AGBL4: variants seen among roughly 807,000 people sequenced by gnomAD.
AGBL4 encodes the protein cytosolic carboxypeptidase 6.
AGBL4 carries 58 observed loss-of-function variants against 66.4 expected under a neutral mutation model. The observed-to-expected ratio is 0.87, with a 90% CI of 0.71 to 1.09. The LOEUF is 1.09. AGBL4 is among the 50% of genes least tolerant of loss of function. The pLI, the probability that AGBL4 is intolerant of heterozygous loss-of-function variation, is 0.00. For synonymous variants in AGBL4, 234 were observed against 222.9 expected (o/e 1.05, Z -0.44); for missense variants, 579 against 631.0 (o/e 0.92, Z 0.88).
At chr1:49,689,848 T>A (rs1351362572) in intron 3 of AGBL4, among the ~76,000 whole-genome samples, 1 of 152,232 alleles carries the variant, frequency 6.6e-6, no homozygotes, top group Non-Finnish European at 1.5e-5. Context: ...ATGGGGTTAC[T>A]TTTCATGATT....
At chr1:49,677,927 A>G (rs1646612837) in intron 3 of AGBL4, among the ~76,000 whole-genome samples, 1 of 152,166 alleles carries the variant, frequency 6.6e-6, no homozygotes. Flanking sequence ...TCCATTCTCC[A>G]GAAGTGTAAG....
intron 2 of AGBL4, among the ~76,000 whole-genome samples, chr1:49,840,492 G>T (rs950758664): frequency 6.6e-6 from 1 of 152,146 alleles, no homozygotes; most frequent in Non-Finnish European, 1.5e-5. Context: ...AAACTGAGAA[G>T]GAGGGACTCC....
chr1:49,309,754 T>C (rs1644912004), intron 3 of AGBL4, among the ~76,000 whole-genome samples: 2 of 152,080 alleles, frequency 1.3e-5, no homozygotes, highest in Non-Finnish European at 2.9e-5. Flanking sequence ...AGATAACCCC[T>C]AAGTGACTAT....
intron 5 of AGBL4, among the ~76,000 whole-genome samples, chr1:48,950,075 G>T (rs3121534): frequency 6.6e-6 from 1 of 152,182 alleles, no homozygotes; most frequent in African/African-American, 2.4e-5. Context: ...AACAATCTGG[G>T]AGTAATATTA....
chr1:49,281,314 C>A (rs1644267519), intron 3 of AGBL4, among the ~76,000 whole-genome samples: 1 of 152,160 alleles, frequency 6.6e-6, no homozygotes. Context: ...AGAACAGTCT[C>A]TCAAACTGGT....
chr1:49,776,830 G>A (rs951380061), intron 2 of AGBL4, among the ~76,000 whole-genome samples: 4 of 151,986 alleles, frequency 2.6e-5, no homozygotes, highest in East Asian at 1.9e-4. Flanking sequence ...TCCCAAACAT[G>A]ACCATAAGTA....
chr1:49,511,245 C>T (rs1032151795), intron 3 of AGBL4, among the ~76,000 whole-genome samples: 2 of 151,440 alleles, frequency 1.3e-5, no homozygotes, highest in African/African-American at 4.8e-5. Flanking sequence ...GAAAATGTGG[C>T]ACATATACAC....
rs548810128 is a variant in AGBL4 at position 49,410,231 on chromosome 1, C to A, written c.283-164367G>T. ...AGGATATGGCCATGTTGTGCTCAGTCGGCTGCATTCCCGAGCACGACTAGA... is the reference window on the plus strand; with the variant it reads ...AGGATATGGCCATGTTGTGCTCAGTAGGCTGCATTCCCGAGCACGACTAGA... On this transcript the variant is annotated intron_variant, in intron 3 of 13. Coordinates refer to ENST00000371839, the MANE Select transcript of AGBL4 (RefSeq NM_032785.4). Among the ~76,000 whole-genome samples the A allele has an allele frequency of 2.6e-5, 4 of 152,156 alleles. No homozygotes were observed. In the East Asian group the frequency reaches 7.7e-4, roughly 29 times the overall value.
intron 3 of AGBL4, among the ~76,000 whole-genome samples, chr1:49,453,802 T>C (rs1646331306): frequency 6.6e-6 from 1 of 151,702 alleles, no homozygotes; most frequent in South Asian, 2.1e-4. Flanking sequence ...GATAACAGAA[T>C]CAATTGGGAC....
chr1:49,485,712 T>C (rs1199295313), intron 3 of AGBL4, among the ~76,000 whole-genome samples: 1 of 151,560 alleles, frequency 6.6e-6, no homozygotes, highest in South Asian at 2.1e-4. Context: ...TGAAATAAGC[T>C]AAGCACAGAA....
At chr1:49,843,045 T>A (rs1165321860) in intron 2 of AGBL4, among the ~76,000 whole-genome samples, 1 of 152,180 alleles carries the variant, frequency 6.6e-6, no homozygotes, top group African/African-American at 2.4e-5. Flanking sequence ...GACAGGCAAT[T>A]TCCCATTGGC....
chr1:49,632,866 G>A (rs1645597871), intron 3 of AGBL4, among the ~76,000 whole-genome samples: 1 of 152,058 alleles, frequency 6.6e-6, no homozygotes, highest in Non-Finnish European at 1.5e-5. Context: ...ACGAGATCAA[G>A]AGATAGAGAC....
chr1:48,574,566 G>A lies in AGBL4; in HGVS notation c.1267+12438C>T, dbSNP rs185081493. 4.7e-3 allele frequency among the ~76,000 whole-genome samples: 676 copies of A among 143,358 alleles called. 3 individuals carry two copies. The highest frequency in any genetic ancestry group is 0.016 in the African/African-American group (616 of 38,356). The allele number at this position is 143,358 out of a possible 152,430, so 94.0% of individuals were successfully genotyped here. ...TTTTTTTTTTTGAACTGACATCCAA[G>A]CATCCTTTACCTCCTCTCTCTCCTC... is the stretch of plus-strand genomic sequence containing the variant. On this transcript the variant is annotated intron_variant, in intron 11 of 13. Transcript: ENST00000371839.
intron 5 of AGBL4, among the ~76,000 whole-genome samples, chr1:48,908,752 T>C (rs1652835188): frequency 6.6e-6 from 1 of 152,170 alleles, no homozygotes; most frequent in African/African-American, 2.4e-5. Flanking sequence ...GGTTCATTAC[T>C]CCAGAGCCTA....
In AGBL4 at chr1:49,773,072, G is replaced by A. The variant is rs534691963; in HGVS notation, c.158-75635C>T. Among the ~76,000 whole-genome samples the A allele has an allele frequency of 8.6e-5, 13 of 151,960 alleles. No individual in the cohort carries two copies. The Middle Eastern group carries it at 0.01, about 119-fold the overall frequency. ...TATCCTCTCACTATTTCAAAATCAC[G>A]TCTTCAAGTTCAGGATTTCTTTCTT... On this transcript the variant is annotated intron_variant, in intron 2 of 13. Coordinates refer to ENST00000371839, the MANE Select transcript of AGBL4 (RefSeq NM_032785.4).
At chr1:49,395,533 A>AGTGTGTGTGTGTGTGTGT (rs149386987) in intron 3 of AGBL4, among the ~76,000 whole-genome samples, 6 of 139,356 alleles carry the variant, frequency 4.3e-5, no homozygotes, top group African/African-American at 1.3e-4. Flanking sequence ...GCCAAACACT[A>AGTGTGTGTGTGTGTGTGT]GTGTGTGTGT....
chr1:49,533,862 C>T (rs1651342315), intron 3 of AGBL4, among the ~76,000 whole-genome samples: 1 of 152,048 alleles, frequency 6.6e-6, no homozygotes, highest in Admixed American at 6.6e-5. Context: ...TGATCTTTGG[C>T]TTGGCTTTTA....
intron 6 of AGBL4, among the ~76,000 whole-genome samples, chr1:48,827,260 T>A (rs12046594): frequency 0.49 from 74,635 of 152,102 alleles, 21,171 homozygotes; most frequent in Non-Finnish European, 0.65. Context: ...AGAGCAGGTC[T>A]CGATATAGCC....
intron 3 of AGBL4, among the ~76,000 whole-genome samples, chr1:49,664,009 C>G (rs1377242090): frequency 1.3e-5 from 2 of 151,906 alleles, no homozygotes; most frequent in Non-Finnish European, 2.9e-5. Context: ...ATCATTCAAA[C>G]AAGAGTAGTA....
Sources: gnomAD v4.1 joint callset for allele counts (sites outside exome capture counted in the v4.1 genomes callset) on GRCh38, gnomAD v4.1.1 for gene constraint, MANE v1.5 for transcripts, NCBI Gene and HGNC (gene_info 2026-07-23, HGNC 2026-07-21) for gene names.